Variants in PCNX1 observed in about 807,000 individuals in gnomAD.
PCNX1 encodes the protein pecanex-like protein 1.
A neutral mutation model predicts 242.2 loss-of-function variants in PCNX1; 78 were observed. The ratio of observed to expected loss-of-function variants is 0.32; its 90% CI spans 0.27 to 0.39. The LOEUF (loss-of-function observed/expected upper bound fraction) is 0.39, where lower values mean the gene tolerates loss of function less well. PCNX1 is among the 10% of genes least tolerant of loss of function. The pLI is 1.00. For synonymous variants in PCNX1, 1,024 were observed against 1,032.9 expected (o/e 0.99, Z 0.17); for missense variants, 2,581 against 2,856.5 (o/e 0.90, Z 2.20).
chr14:71,024,410 C>CT (rs1232531364), intron 13 of PCNX1, among the ~76,000 whole-genome samples: 1 of 152,066 alleles, frequency 6.6e-6, no homozygotes, highest in Admixed American at 6.5e-5. Context: ...TCTTTGGAAG[C>CT]TATCTTTCAT....
chr14:71,017,436 AT>A (rs1329101379), intron 11 of PCNX1, among the ~76,000 whole-genome samples: 9 of 152,242 alleles, frequency 5.9e-5, no homozygotes, highest in Non-Finnish European at 1.3e-4. Context: ...CCTGGGCAAC[AT>A]AGCAAGACCC....
At chr14:71,077,359 C>T (rs764188449) in intron 28 of PCNX1, among the ~76,000 whole-genome samples, 2 of 152,172 alleles carry the variant, frequency 1.3e-5, no homozygotes, top group Non-Finnish European at 2.9e-5. Flanking sequence ...CCACCAGTGT[C>T]GTATGTACAG....
chr14:71,105,699 G>A (rs966940127), intron 33 of PCNX1, among the ~76,000 whole-genome samples: 2 of 150,730 alleles, frequency 1.3e-5, no homozygotes, highest in African/African-American at 2.4e-5. Flanking sequence ...CTGCCACCAC[G>A]CCCGGCTATT....
intron 1 of PCNX1, among the ~76,000 whole-genome samples, chr14:70,941,701 T>C (rs752708846): frequency 1.3e-5 from 2 of 152,176 alleles, no homozygotes; most frequent in Non-Finnish European, 2.9e-5. Context: ...TCTGCTGCCT[T>C]TTGTTCAGCT....
chr14:70,970,369 C>T (rs2058505044), intron 5 of PCNX1, among the ~76,000 whole-genome samples: 1 of 152,050 alleles, frequency 6.6e-6, no homozygotes, highest in Non-Finnish European at 1.5e-5. Context: ...CTTTCTCTCT[C>T]TCTCAGTCAA....
chr14:71,001,885 G>T (rs948704255), intron 8 of PCNX1, among the ~76,000 whole-genome samples: 3 of 152,196 alleles, frequency 2.0e-5, no homozygotes, highest in African/African-American at 7.2e-5. Flanking sequence ...TGTCCTAAGT[G>T]CCTGCTGTAG....
intron 5 of PCNX1, among the ~76,000 whole-genome samples, chr14:70,973,541 A>G (rs981185156): frequency 4.6e-5 from 7 of 151,902 alleles, no homozygotes; most frequent in African/African-American, 1.7e-4. Context: ...ATACAAAGAG[A>G]ATTGGAGGAG....
intron 26 of PCNX1, among the ~76,000 whole-genome samples, chr14:71,067,953 T>G (rs1447576325): frequency 2.0e-5 from 3 of 152,132 alleles, no homozygotes; most frequent in African/African-American, 7.2e-5. Flanking sequence ...TCTAGAAATT[T>G]CTAATTAGTT....
At position 71,112,954 on chromosome 14, in the gene PCNX1, A is replaced by G. The variant is rs377024667; in HGVS notation, c.*3019A>G. 3.9e-5 allele frequency: 6 copies of G among 152,268 alleles called. No homozygotes were observed. Among genetic ancestry groups the G allele is most frequent in the Middle Eastern group, 3.4e-3 (1 of 294 alleles). The allele number at this position is 152,268 out of a possible 1,614,324, so 9.4% of individuals were successfully genotyped here. ...TTCATTCAGTGGCAAAAAACATTTTATAACTCCTAAGTTTTTGGTTAATCT... is the reference window on the plus strand; with the variant it reads ...TTCATTCAGTGGCAAAAAACATTTTGTAACTCCTAAGTTTTTGGTTAATCT... On this transcript the variant is annotated 3_prime_UTR_variant, in exon 36 of 36. Coordinates refer to ENST00000304743, the MANE Select transcript of PCNX1 (RefSeq NM_014982.3).
intron 5 of PCNX1, among the ~76,000 whole-genome samples, chr14:70,974,168 A>G (rs1342742138): frequency 6.7e-6 from 1 of 149,400 alleles, no homozygotes; most frequent in Non-Finnish European, 1.5e-5. Flanking sequence ...CACTTTTCGC[A>G]TTTATAAAAA....
intron 33 of PCNX1, among the ~76,000 whole-genome samples, chr14:71,106,985 T>A (rs1413181789): frequency 2.0e-5 from 3 of 152,174 alleles, no homozygotes; most frequent in Non-Finnish European, 4.4e-5. Context: ...ATTTTATCAT[T>A]AGTACTTTTT....
Position 71,108,969 on chromosome 14 carries a change from G to T in PCNX1, c.6667G>T (p.Asp2223Tyr). The stretch of plus-strand genomic sequence containing the variant: ...AGAGGGAGGTCAGAGCAGTGCCACT[G>T]ATGCACAGCCAGGCAACACCTTAAG... ...ATEGGQSSAT[D>Y]AQPGNTLSPA... Residue 2223 changes from aspartate to tyrosine, a missense_variant, in exon 34 of 36, where the codon GAT becomes TAT. Coordinates refer to ENST00000304743, the MANE Select transcript of PCNX1 (RefSeq NM_014982.3). 6.2e-7 allele frequency: 1 copy of T among 1,614,230 alleles called. No homozygotes were observed. The highest frequency in any genetic ancestry group is 8.5e-7 in the Non-Finnish European group (1 of 1,180,036).
At chr14:71,045,485 C>T (rs925244989) in intron 20 of PCNX1, among the ~76,000 whole-genome samples, 2 of 152,118 alleles carry the variant, frequency 1.3e-5, no homozygotes, top group African/African-American at 4.8e-5. Flanking sequence ...GCTACAGTGC[C>T]AGTTTTCCAC....
At chr14:71,026,915 A>T (rs2060257358) in intron 15 of PCNX1, 33 bp downstream of exon 15, 3 of 903,048 alleles carry the variant, frequency 3.3e-6, no homozygotes, top group Non-Finnish European at 3.7e-6. Flanking sequence ...TATAGATTAC[A>T]GTATTACCTT....
rs2062790635 is a variant in PCNX1 at position 71,113,382 on chromosome 14, T to A, written c.*3447T>A. 6.6e-6 allele frequency: 1 copy of A among 152,638 alleles called. No homozygotes were observed. The highest frequency in any genetic ancestry group is 1.5e-5 in the Non-Finnish European group (1 of 68,040). 9.5% of individuals were successfully genotyped at this position (152,638 alleles called of 1,614,324 possible). A position where few individuals can be genotyped will look rare whatever the true frequency, so the allele number is the denominator to read the frequency against. ...ACTCTGTATACTAAATGTCAGGCAATGAAAATGTAAGTTTTTGTGTAGAAA... is the reference window on the plus strand; with the variant it reads ...ACTCTGTATACTAAATGTCAGGCAAAGAAAATGTAAGTTTTTGTGTAGAAA... On this transcript the variant is annotated 3_prime_UTR_variant, in exon 36 of 36. Coordinates refer to ENST00000304743, the MANE Select transcript of PCNX1 (RefSeq NM_014982.3).
intron 11 of PCNX1, among the ~76,000 whole-genome samples, chr14:71,014,138 T>C (rs1244713755): frequency 6.6e-6 from 1 of 152,196 alleles, no homozygotes; most frequent in Non-Finnish European, 1.5e-5. Flanking sequence ...ACATTTATGG[T>C]TCATATTTTA....
intron 3 of PCNX1, among the ~76,000 whole-genome samples, chr14:70,963,546 T>C (rs548943820): frequency 6.6e-5 from 10 of 152,336 alleles, no homozygotes; most frequent in East Asian, 1.9e-4. Flanking sequence ...AACAATGTTA[T>C]GAAAAACACT....
chr14:70,968,919 A>G (rs1301450194), intron 4 of PCNX1, 102 bp from the exon 5 acceptor site: 1 of 673,404 alleles, frequency 1.5e-6, no homozygotes, highest in Non-Finnish European at 2.7e-6. Context: ...ACTTTAGTTG[A>G]TAGACATTAG....
chr14:71,001,160 T>TTAAC (rs35851648), intron 8 of PCNX1, among the ~76,000 whole-genome samples: 82,649 of 151,654 alleles, frequency 0.54, 23,602 homozygotes, highest in East Asian at 0.73. Context: ...ATTTAATCAA[T>TTAAC]TAACCCCATT....
Sources: gnomAD v4.1 joint callset for allele counts (sites outside exome capture counted in the v4.1 genomes callset) on GRCh38, gnomAD v4.1.1 for gene constraint, MANE v1.5 for transcripts, NCBI Gene and HGNC (gene_info 2026-07-23, HGNC 2026-07-21) for gene names.